The following HDAC6 variants were observed in gnomAD, a reference collection of about 807,000 sequenced individuals.
The protein encoded by HDAC6 is protein deacetylase HDAC6.
HDAC6 carries 5 observed loss-of-function variants against 88.9 expected under a neutral mutation model. The ratio of observed to expected loss-of-function variants is 0.06; its 90% confidence interval spans 0.03 to 0.12. The LOEUF (loss-of-function observed/expected upper bound fraction) is 0.12. Among genes scored for constraint, HDAC6 ranks in the 10% least tolerant of loss-of-function variants. The pLI, the probability that HDAC6 is intolerant of heterozygous loss-of-function variation, is 1.00. For synonymous variants in HDAC6, 378 were observed against 398.0 expected (o/e 0.95, Z 0.60); for missense variants, 706 against 1,014.4 (o/e 0.70, Z 4.13).
rs782365359 is a variant in HDAC6, at chrX:48,814,728, A to G, written c.987A>G (p.Pro329=). 5.8e-6 allele frequency: 7 copies of G among 1,209,821 alleles called. No individual in the cohort carries two copies. In the African/African-American group the frequency reaches 1.2e-4, roughly 21 times the overall value. ...CTGCTTTCCTGCACGTCCTGCTGCC[A>G]GTCGCCCTCGAGGTCCTGGGGATCT... ...YIAAFLHVLL[P]VALEFQPQLV... The change falls in exon 12 of 29, where the codon CCA becomes CCG. Residue 329 remains proline (P), a synonymous_variant. Coordinates refer to ENST00000334136, the MANE Select transcript of HDAC6 (RefSeq NM_006044.4).
At chrX:48,818,583 G>T (rs2063029231) in intron 22 of HDAC6, among the ~76,000 whole-genome samples, 171 bp downstream of exon 22, 3 of 112,344 alleles carry the variant, frequency 2.7e-5, no homozygotes, top group African/African-American at 9.7e-5. Flanking sequence ...ATCACCTTGT[G>T]TATTTGTGCA....
At chrX:48,811,254 A>G (rs2062897220) in intron 10 of HDAC6, among the ~76,000 whole-genome samples, 1 of 112,299 alleles carries the variant, frequency 8.9e-6, no homozygotes, top group African/African-American at 3.2e-5. Flanking sequence ...CAGTGAGACA[A>G]GATCATGCCA....
chrX:48,811,464 C>T (rs781894057), intron 10 of HDAC6, among the ~76,000 whole-genome samples: 5 of 112,190 alleles, frequency 4.5e-5, no homozygotes, highest in African/African-American at 1.6e-4. Context: ...AGAATGAAGG[C>T]CCATTGTAGG....
intron 10 of HDAC6, among the ~76,000 whole-genome samples, chrX:48,811,777 C>T (rs782194728): frequency 1.8e-5 from 2 of 111,903 alleles, no homozygotes; most frequent in African/African-American, 6.5e-5. Context: ...TTTAATACTT[C>T]ATTAATTTTT....
chrX:48,823,537 C>A lies in HDAC6; in HGVS notation c.3138C>A (p.Pro1046=). ...AGGGAACTACACCCCAGATATCTCC[C>A]AGTACACTGATTGGGAGTCTCAGGA... ...PVQGTTPQIS[P]STLIGSLRTL... Residue 1046 remains proline, a synonymous_variant, in exon 25 of 29, where the codon CCC becomes CCA. Transcript: ENST00000334136. 1 of 1,210,409 alleles carries A rather than the reference C, an allele frequency of 8.3e-7. No homozygotes were observed. Among genetic ancestry groups the A allele is most frequent in the Non-Finnish European group, 1.1e-6 (1 of 894,811 alleles).
rs2063127380 is a variant in HDAC6, at chrX:48,824,021, G to A, written c.3403G>A (p.Asp1135Asn). The A allele has an allele frequency of 1.7e-6, 2 of 1,211,507 alleles. No individual in the cohort carries two copies. Among genetic ancestry groups the A allele is most frequent in the East Asian group, 5.9e-5 (2 of 33,832 alleles). ...AGLDVTQPCG[D>N]CGTIQENWVC... ...CCTAGACGTGACCCAACCTTGTGGG[G>A]ACTGTGGAACAATCCAAGAGAATTG... is the stretch of plus-strand genomic sequence containing the variant. The change falls in exon 27 of 29, where the codon GAC becomes AAC. Residue 1135 changes from aspartate to asparagine, a missense_variant. Around this residue, in one of 9 missense-constraint regions of HDAC6, gnomAD observed 112 missense variants for 95.1 expected, o/e 1.18. Coordinates refer to ENST00000334136, the MANE Select transcript of HDAC6 (RefSeq NM_006044.4).
intron 23 of HDAC6, 76 bp downstream of exon 23, chrX:48,820,331 T>C: frequency 2.2e-6 from 2 of 894,788 alleles, no homozygotes; most frequent in Non-Finnish European, 3.1e-6. Flanking sequence ...CAGGACAGTT[T>C]CCTGAAATCT....
intron 10 of HDAC6, among the ~76,000 whole-genome samples, chrX:48,811,344 A>G (rs2062898700): frequency 3.6e-5 from 4 of 112,110 alleles, no homozygotes. Flanking sequence ...TGTCTGAGTT[A>G]TGTCTCTTTA....
In HDAC6 at chrX:48,823,486, C is replaced by T. The variant is rs782560444; in HGVS notation, c.3087C>T (p.His1029=). Residue 1029 remains histidine, a synonymous_variant, in exon 25 of 29, where the codon CAC becomes CAT. Coordinates refer to ENST00000334136, the MANE Select transcript of HDAC6 (RefSeq NM_006044.4). The stretch of plus-strand genomic sequence containing the variant: ...CTCCTCTAGCCTCGAGCACAGACCA[C>T]CAGACCCCCCCAACCTCACCTGTGC... The part of the protein sequence containing the change: ...IQTPLASSTD[H]QTPPTSPVQG... 118 of 1,208,631 alleles carry T rather than the reference C, an allele frequency of 9.8e-5. No individual in the cohort carries two copies. The South Asian group carries it at 2.0e-3, about 20-fold the overall frequency.
chrX:48,819,210 C>T (rs2063039720), intron 22 of HDAC6, among the ~76,000 whole-genome samples: 3 of 112,246 alleles, frequency 2.7e-5, no homozygotes, highest in Non-Finnish European at 5.6e-5. Flanking sequence ...TGTGACTGTG[C>T]AGGATGGCTG....
chrX:48,824,320 A>T (rs782530262), intron 28 of HDAC6, 26 bp downstream of exon 28: 1 of 1,194,903 alleles, frequency 8.4e-7, no homozygotes, highest in East Asian at 3.0e-5. Flanking sequence ...ACCCTTCGAC[A>T]CGTGCACACT....
At chrX:48,801,537 T>A (rs2062726521), upstream of HDAC6, 1 of 193,528 alleles carries the variant, frequency 5.2e-6, no homozygotes, top group African/African-American at 3.1e-5. Context: ...GCGGCGGCTA[T>A]GGCATCCGGG....
intron 22 of HDAC6, 115 bp downstream of exon 22, chrX:48,818,527 A>G: frequency 1.7e-6 from 1 of 596,668 alleles, no homozygotes; most frequent in East Asian, 3.7e-5. Context: ...GATATGAGAC[A>G]GCGCATGGGT....
chrX:48,806,211 G>A (rs976000863), intron 6 of HDAC6, 157 bp from the exon 7 acceptor site: 1 of 442,499 alleles, frequency 2.3e-6, no homozygotes. Context: ...GAACTGAGGC[G>A]GGCTAGGGAA....
At position 48,803,156 on chromosome X, in the gene HDAC6, C is replaced by T. The variant is rs1557023084; in HGVS notation, c.251C>T (p.Ala84Val). ...MDLNLEAEAL[A>V]GTGLVLDEQL... ...CTGAACCTTGAGGCTGAAGCACTGG[C>T]TGGCACTGGCTTGGTGTTGGATGAG... Residue 84 changes from alanine (A) to valine (V), a missense_variant, in exon 4 of 29, where the codon GCT (alanine) becomes GTT (valine). Ala to Val is a moderately conservative substitution (Grantham distance 64, BLOSUM62 0). Around this residue, in one of 9 missense-constraint regions of HDAC6, gnomAD observed 193 missense variants for 258.2 expected, o/e 0.75. Coordinates refer to ENST00000334136, the MANE Select transcript of HDAC6 (RefSeq NM_006044.4). 8.3e-7 allele frequency: 1 copy of T among 1,210,443 alleles called. No individual in the cohort carries two copies. Among genetic ancestry groups the T allele is most frequent in the Admixed American group, 2.2e-5 (1 of 46,004 alleles).
chrX:48,817,991 C>G (rs2063016218), intron 20 of HDAC6, 50 bp from the exon 21 acceptor site: 5 of 1,107,133 alleles, frequency 4.5e-6, no homozygotes, highest in Non-Finnish European at 6.1e-6. Flanking sequence ...GCCCAGCCCT[C>G]TTCCAGGGCG....
At position 48,823,247 on chromosome X, in the gene HDAC6, C is replaced by T. The variant is rs1418756187; in HGVS notation, c.2848C>T (p.Gln950Ter). ...GGCTGTCGGGGGAGCCACTCCGGAC[C>T]AGACCACCTCAGAGGAGACTGTGGG... ...EEAVGGATPDQTTSEETVGGA... is the reference protein window; with the variant it reads ...EEAVGGATPD The change falls in exon 25 of 29, where the codon CAG becomes TAG. Residue 950 changes from glutamine to a stop codon, truncating the protein, a stop_gained. Transcript: ENST00000334136. LOFTEE classifies it high-confidence loss of function. 8.3e-7 allele frequency: 1 copy of T among 1,199,069 alleles called. No homozygotes were observed. The highest frequency in any genetic ancestry group is 1.8e-5 in the African/African-American group (1 of 56,773).
intron 10 of HDAC6, among the ~76,000 whole-genome samples, chrX:48,809,848 T>G (rs2062873239): frequency 9.1e-6 from 1 of 110,291 alleles, no homozygotes; most frequent in Admixed American, 9.7e-5. Context: ...AGATTTCAGA[T>G]TTCTAGATTA....
intron 19 of HDAC6, chrX:48,817,115 G>T (rs1163565363): frequency 1.8e-5 from 6 of 332,555 alleles, no homozygotes; most frequent in African/African-American, 2.7e-5. Context: ...AGCCGGGCGT[G>T]GCAGCAAGCG....
Sources: allele counts gnomAD v4.1 joint callset (sites outside exome capture counted in the v4.1 genomes callset), GRCh38; gene constraint gnomAD v4.1.1; regional missense constraint gnomAD v4.1.1; transcripts MANE v1.5; gene names NCBI Gene and HGNC (gene_info 2026-07-23, HGNC 2026-07-21).